Variants in SLC39A8 observed in about 807,000 individuals in gnomAD.
SLC39A8 encodes the protein metal cation symporter ZIP8.
Under a neutral mutation model 40.4 loss-of-function variants are expected in SLC39A8, and 15 were observed. The observed-to-expected ratio is 0.37, with a 90% CI of 0.25 to 0.57. SLC39A8 has a LOEUF of 0.57. SLC39A8 is among the 20% of genes least tolerant of loss of function. The pLI is 0.75. For missense variants in SLC39A8, 472 were observed against 558.8 expected (o/e 0.84, Z 1.57); for synonymous variants, 223 against 221.6 (o/e 1.01, Z -0.06).
At chr4:102,311,463 C>G (rs1578602236) in intron 3 of SLC39A8, among the ~76,000 whole-genome samples, 1 of 152,030 alleles carries the variant, frequency 6.6e-6, no homozygotes, top group East Asian at 1.9e-4. Context: ...CTACAAGAAG[C>G]CACTTAACCT....
chr4:102,339,875 A>G (rs549210379), intron 2 of SLC39A8, among the ~76,000 whole-genome samples: 15 of 152,218 alleles, frequency 9.9e-5, no homozygotes, highest in African/African-American at 3.1e-4. Flanking sequence ...CTTATCTCAC[A>G]TTGGTTTTTA....
intron 6 of SLC39A8, among the ~76,000 whole-genome samples, chr4:102,296,629 C>A (rs1733687956): frequency 6.6e-6 from 1 of 151,972 alleles, no homozygotes; most frequent in East Asian, 1.9e-4. Flanking sequence ...TATTTTTTCC[C>A]AAATCAAACA....
At chr4:102,276,639 G>A (rs755940050) in intron 6 of SLC39A8, among the ~76,000 whole-genome samples, 5 of 152,146 alleles carry the variant, frequency 3.3e-5, no homozygotes, top group Non-Finnish European at 7.3e-5. Context: ...CTCATTTTAT[G>A]AGGCCAGCAT....
intron 2 of SLC39A8, among the ~76,000 whole-genome samples, chr4:102,335,575 CATT>C (rs1343498827): frequency 6.6e-6 from 1 of 152,190 alleles, no homozygotes; most frequent in Non-Finnish European, 1.5e-5. Context: ...GTTCCCCAAA[CATT>C]CACATTTCAG....
rs375272173 is a variant in SLC39A8 at position 102,328,270 on chromosome 4, T to C, written c.220-12440A>G. Among the ~76,000 whole-genome samples, 72 of 152,268 alleles carry C rather than the reference T, an allele frequency of 4.7e-4. No homozygotes were observed. In the South Asian group the frequency reaches 5.8e-3, roughly 12 times the overall value. ...TATTCCCACCACTTCCTTGAAATTA[T>C]TCTATACAAGGTCACTGGAACCTCC... On this transcript the variant is annotated intron_variant, in intron 2 of 8. Transcript: ENST00000356736.
At chr4:102,317,237 C>T (rs1239345221) in intron 2 of SLC39A8, among the ~76,000 whole-genome samples, 2 of 152,056 alleles carry the variant, frequency 1.3e-5, no homozygotes, top group Non-Finnish European at 2.9e-5. Flanking sequence ...GAGATCACTA[C>T]TGTTTATAAA....
intron 3 of SLC39A8, among the ~76,000 whole-genome samples, chr4:102,312,984 G>A (rs532401628): frequency 6.6e-6 from 1 of 152,234 alleles, no homozygotes; most frequent in Admixed American, 6.5e-5. Context: ...AGTGCAAACT[G>A]TATTAAACAG....
At chr4:102,251,217 A>T (rs1731578419) in exon 12 of SLC39A8, 1 of 152,204 alleles carries the variant, frequency 6.6e-6, no homozygotes, top group Non-Finnish European at 1.5e-5. Flanking sequence ...TGTTGGGAAC[A>T]TTCATATGTT....
intron 2 of SLC39A8, among the ~76,000 whole-genome samples, chr4:102,323,875 T>C (rs935913474): frequency 3.9e-5 from 6 of 152,228 alleles, no homozygotes; most frequent in Non-Finnish European, 7.3e-5. Context: ...TGGCAGAGAA[T>C]GCACTTTGTT....
At chr4:102,274,039 TCTC>T (rs1230938876) in intron 6 of SLC39A8, among the ~76,000 whole-genome samples, 2 of 152,040 alleles carry the variant, frequency 1.3e-5, no homozygotes, top group Non-Finnish European at 2.9e-5. Context: ...GAATGCTTCT[TCTC>T]CTCCAAAGGA....
chr4:102,319,422 G>A (rs927948063), intron 2 of SLC39A8, among the ~76,000 whole-genome samples: 6 of 152,054 alleles, frequency 3.9e-5, no homozygotes, highest in Middle Eastern at 3.4e-3. Flanking sequence ...CCCAGGCCTC[G>A]ACCCTAGCAT....
intron 2 of SLC39A8, among the ~76,000 whole-genome samples, chr4:102,326,264 GA>G (rs1207618288): frequency 6.6e-6 from 1 of 152,208 alleles, no homozygotes; most frequent in African/African-American, 2.4e-5. Flanking sequence ...GTTGCCACAA[GA>G]AATGAGTGCA....
In SLC39A8 at chr4:102,304,356, T is replaced by C. The variant is rs11097773; in HGVS notation, c.801A>G (p.Gly267=). The change falls in exon 6 of 9, where the codon GGA becomes GGG. Residue 267 remains glycine (G), a synonymous_variant. Transcript: ENST00000356736. ...CACTGACATTATCAAAATGGATATG[T>C]CCATTAGCTTCTGTGACAGCAGGAT... ...YANPAVTEAN[G]HIHFDNVSVV... 0.17 allele frequency: 272,387 copies of C among 1,609,854 alleles called. 23,853 individuals carry two copies. Among genetic ancestry groups the C allele is most frequent in the South Asian group, 0.23 (21,096 of 90,926 alleles).
At chr4:102,301,002 C>A (rs1409631061) in intron 6 of SLC39A8, among the ~76,000 whole-genome samples, 1 of 151,914 alleles carries the variant, frequency 6.6e-6, no homozygotes, top group Non-Finnish European at 1.5e-5. Context: ...ACCAAAATAG[C>A]GAGAAAATAG....
Position 102,263,103 on chromosome 4 carries a change from T to G in SLC39A8, c.1324A>C (p.Thr442Pro). 6.2e-7 allele frequency: 1 copy of G among 1,613,812 alleles called. No individual in the cohort carries two copies. The highest frequency in any genetic ancestry group is 1.1e-5 in the South Asian group (1 of 91,040). Residue 442 changes from threonine (T) to proline (P), a missense_variant, in exon 9 of 9, where the codon ACT (threonine) becomes CCT (proline). By Grantham distance (38) the Thr-to-Pro change is conservative (BLOSUM62 -1). This residue lies in a region of SLC39A8 where 50 missense variants were observed against 50.5 expected (regional missense o/e 0.99). Coordinates refer to ENST00000356736, the MANE Select transcript of SLC39A8 (RefSeq NM_001135146.2). ...ATGAGTAGAATGGCTGTGAATCCAGTTAACATTCCAGCATTCTGAATCATG... is the reference window on the plus strand; with the variant it reads ...ATGAGTAGAATGGCTGTGAATCCAGGTAACATTCCAGCATTCTGAATCATG... Reference protein sequence around the residue: ...FFMIQNAGMLTGFTAILLITL... With the variant: ...FFMIQNAGMLPGFTAILLITL...
chr4:102,310,046 C>T (rs1734356459), intron 3 of SLC39A8, among the ~76,000 whole-genome samples: 1 of 152,056 alleles, frequency 6.6e-6, no homozygotes, highest in Non-Finnish European at 1.5e-5. Context: ...CTCATGCCCC[C>T]ATTTGAAATC....
chr4:102,300,136 C>T (rs1215489140), intron 6 of SLC39A8, among the ~76,000 whole-genome samples: 2 of 152,030 alleles, frequency 1.3e-5, no homozygotes, highest in East Asian at 1.9e-4. Context: ...AAAAAGCATG[C>T]ACGTGCCCAC....
intron 4 of SLC39A8, among the ~76,000 whole-genome samples, chr4:102,306,100 T>A (rs1734159420): frequency 6.6e-6 from 1 of 151,946 alleles, no homozygotes; most frequent in African/African-American, 2.4e-5. Flanking sequence ...GGAAAATCAT[T>A]TTGCTACAAA....
intron 6 of SLC39A8, among the ~76,000 whole-genome samples, chr4:102,274,346 A>G (rs1191772337): frequency 1.3e-5 from 2 of 152,232 alleles, no homozygotes; most frequent in Non-Finnish European, 2.9e-5. Context: ...AGAAGAAAGT[A>G]TATCAGAAAT....
Sources: allele counts gnomAD v4.1 joint callset (sites outside exome capture counted in the v4.1 genomes callset), GRCh38; gene constraint gnomAD v4.1.1; regional missense constraint gnomAD v4.1.1; transcripts MANE v1.5; gene names NCBI Gene and HGNC (gene_info 2026-07-23, HGNC 2026-07-21).